EEF1D: variants seen among roughly 807,000 people sequenced by gnomAD.
EEF1D encodes the protein elongation factor 1-delta.
Under a neutral mutation model 63.9 loss-of-function variants are expected in EEF1D, and 47 were observed. The ratio of observed to expected loss-of-function variants is 0.74; its 90% CI spans 0.58 to 0.94. EEF1D has a LOEUF of 0.94. Among genes scored for constraint, EEF1D ranks in the 40% least tolerant of loss-of-function variants. The pLI is 0.00. For synonymous variants in EEF1D, 412 were observed against 386.1 expected (o/e 1.07, Z -0.79); for missense variants, 907 against 899.0 (o/e 1.01, Z -0.11).
chr8:143,589,239 G>T lies in EEF1D; in HGVS notation c.843C>A (p.Arg281=). 6.4e-7 allele frequency: 1 copy of T among 1,561,426 alleles called. No individual in the cohort carries two copies. Among genetic ancestry groups the T allele is most frequent in the African/African-American group, 1.4e-5 (1 of 73,756 alleles). ...ARRGRRDRRG[R]NILGNKRAGL... is the part of the protein sequence containing the mutation. Reference sequence around the variant, plus strand: ...CGGCCCGCTTGTTCCCTAAGATGTTGCGGCCCCGCCGGTCTCTGCGGCCCC... The same window carrying T: ...CGGCCCGCTTGTTCCCTAAGATGTTTCGGCCCCGCCGGTCTCTGCGGCCCC... The change falls in exon 3 of 10, where the codon CGC becomes CGA. Residue 281 remains arginine, a synonymous_variant. Transcript: ENST00000618139.
chr8:143,593,482 C>T (rs555973857), intron 1 of EEF1D, among the ~76,000 whole-genome samples: 119 of 152,176 alleles, frequency 7.8e-4, no homozygotes, highest in Non-Finnish European at 1.4e-3. Flanking sequence ...CTGATCAACC[C>T]GAGAGCCCTG....
intron 5 of EEF1D, among the ~76,000 whole-genome samples, chr8:143,585,185 T>C (rs1826321790): frequency 6.6e-6 from 1 of 152,130 alleles, no homozygotes; most frequent in Non-Finnish European, 1.5e-5. Flanking sequence ...CAAACACGAT[T>C]AAATTCAGGA....
chr8:143,588,759 C>T, intron 3 of EEF1D: 3 of 608,080 alleles, frequency 4.9e-6, no homozygotes, highest in Non-Finnish European at 8.5e-6. Flanking sequence ...CCTTCCCTGC[C>T]CTCATCCAGG....
chr8:143,591,108 G>A (rs933870208), intron 2 of EEF1D, among the ~76,000 whole-genome samples: 1 of 152,244 alleles, frequency 6.6e-6, no homozygotes, highest in African/African-American at 2.4e-5. Flanking sequence ...CCCAGCTGGA[G>A]TCCATACCTT....
intron 5 of EEF1D, among the ~76,000 whole-genome samples, chr8:143,585,753 C>G (rs1184799115): frequency 1.3e-5 from 2 of 152,216 alleles, no homozygotes; most frequent in Non-Finnish European, 2.9e-5. Flanking sequence ...CCTTCTGGGT[C>G]TCCAACTCAA....
intron 8 of EEF1D, 40 bp downstream of exon 8, chr8:143,580,466 G>A (rs1229354604): frequency 6.3e-7 from 1 of 1,590,924 alleles, no homozygotes; most frequent in Admixed American, 1.7e-5. Flanking sequence ...GGGCACCAGG[G>A]CAGTGCCTGG....
At position 143,589,341 on chromosome 8, in the gene EEF1D, G is replaced by T; in HGVS notation, c.741C>A (p.Tyr247Ter). The change falls in exon 3 of 10, where the codon TAC (tyrosine) becomes TAA (stop). Residue 247 changes from tyrosine (Y) to a stop codon, truncating the protein, a stop_gained. Coordinates refer to ENST00000618139, the MANE Select transcript of EEF1D (RefSeq NM_001130053.5). LOFTEE classifies it high-confidence loss of function. ...PRYDAAERGF[Y>*]EALFDGHPPG... ...GGGGATGGCCGTCAAACAGGGCCTC[G>T]TAGAAGCCCCTCTCGGCTGCATCAT... 1 of 1,581,594 alleles carries T rather than the reference G, an allele frequency of 6.3e-7. No homozygotes were observed. The highest frequency in any genetic ancestry group is 8.6e-7 in the Non-Finnish European group (1 of 1,162,898).
intron 4 of EEF1D, 28 bp downstream of exon 4, chr8:143,586,701 G>C: frequency 1.2e-6 from 2 of 1,607,282 alleles, no homozygotes; most frequent in East Asian, 2.2e-5. Context: ...CAGCAGAGCC[G>C]CCCAGCCGCC....
intron 1 of EEF1D, chr8:143,597,087 G>C (rs1828968076): frequency 2.0e-5 from 3 of 151,990 alleles, no homozygotes; most frequent in Admixed American, 6.5e-5. Context: ...TCCACGACCG[G>C]GATGCGCCGT....
chr8:143,590,199 G>A (rs1827707760), intron 2 of EEF1D, 118 bp from the exon 3 acceptor site: 3 of 1,388,776 alleles, frequency 2.2e-6, no homozygotes, highest in African/African-American at 1.5e-5. Flanking sequence ...TCCCTGGGCA[G>A]GGGCTGAGGA....
chr8:143,587,029 C>G, intron 3 of EEF1D, 177 bp from the exon 4 acceptor site: 12 of 777,300 alleles, frequency 1.5e-5, no homozygotes, highest in Non-Finnish European at 2.4e-5. Flanking sequence ...GGCCTGTCTT[C>G]CAGACGAGGA....
At chr8:143,593,111 G>C (rs925827107) in intron 1 of EEF1D, among the ~76,000 whole-genome samples, 2 of 152,090 alleles carry the variant, frequency 1.3e-5, no homozygotes, top group Non-Finnish European at 2.9e-5. Context: ...CCCTGTGTCC[G>C]GTCTGCTGAA....
At chr8:143,580,478 C>T in intron 8 of EEF1D, 28 bp downstream of exon 8, 1 of 1,601,702 alleles carries the variant, frequency 6.2e-7, no homozygotes. Flanking sequence ...AGTGCCTGGC[C>T]CCCTGAAGCC....
intron 1 of EEF1D, among the ~76,000 whole-genome samples, chr8:143,595,501 G>T (rs1013048553): frequency 1.3e-5 from 2 of 152,218 alleles, no homozygotes; most frequent in African/African-American, 4.8e-5. Flanking sequence ...ACCACGCCCA[G>T]CCGCCTTTGG....
intron 2 of EEF1D, chr8:143,590,444 AT>A: frequency 1.1e-6 from 1 of 882,840 alleles, no homozygotes; most frequent in Non-Finnish European, 1.6e-6. Context: ...TTCGTCATTT[AT>A]CTGAAATAAG....
rs758460331 is a variant in EEF1D at position 143,581,219 on chromosome 8, G to C, written c.1387+10C>G. On this transcript the variant is annotated intron_variant, in intron 6 of 9. Coordinates refer to ENST00000618139, the MANE Select transcript of EEF1D (RefSeq NM_001130053.5). ...AGGGACAGCCCCAACCCACTGGCCC[G>C]GGGCCTCACCGCCACGCAGACTCTG... is the stretch of plus-strand genomic sequence containing the variant. 1.1e-5 allele frequency: 18 copies of C among 1,612,670 alleles called. No homozygotes were observed. The highest frequency in any genetic ancestry group is 8.9e-5 in the East Asian group (4 of 44,866).
intron 3 of EEF1D, 153 bp downstream of exon 3, chr8:143,588,838 C>T: frequency 9.7e-7 from 1 of 1,035,612 alleles, no homozygotes; most frequent in Non-Finnish European, 1.4e-6. Context: ...CTTTACTCAG[C>T]CTGCTCCTGC....
Position 143,589,032 on chromosome 8 carries a change from G to T in EEF1D, c.1050C>A (p.Pro350=), listed in dbSNP as rs142998821. The T allele has an allele frequency of 6.2e-7, 1 of 1,602,814 alleles. No homozygotes were observed. ...ACACGGACAGGCCAGACCGAGGACCGGGTCGGTGAGACAGGGAGGCAGCTT... is the reference window on the plus strand; with the variant it reads ...ACACGGACAGGCCAGACCGAGGACCTGGTCGGTGAGACAGGGAGGCAGCTT... ...CLEAASLSHR[P]GPRSGLSVSS... The change falls in exon 3 of 10, where the codon CCC becomes CCA. Residue 350 remains proline, a synonymous_variant. Transcript: ENST00000618139.
chr8:143,579,989 C>A, intron 9 of EEF1D, 23 bp downstream of exon 9: 1 of 1,607,964 alleles, frequency 6.2e-7, no homozygotes, highest in South Asian at 1.1e-5. Flanking sequence ...CTCTCCCCTC[C>A]TCTCCCCGGC....
Sources: gnomAD v4.1 joint callset for allele counts (sites outside exome capture counted in the v4.1 genomes callset) on GRCh38, gnomAD v4.1.1 for gene constraint, MANE v1.5 for transcripts, NCBI Gene and HGNC (gene_info 2026-07-23, HGNC 2026-07-21) for gene names.